STXBP6: variants seen among roughly 807,000 people sequenced by gnomAD.
STXBP6 encodes syntaxin binding protein 6.
A neutral mutation model predicts 26.9 loss-of-function variants in STXBP6; 21 were observed. The observed-to-expected ratio is 0.78, with a 90% CI of 0.55 to 1.12. STXBP6 has a LOEUF of 1.12. STXBP6 is among the 50% of genes most tolerant of loss of function. The pLI, the probability that STXBP6 is intolerant of heterozygous loss-of-function variation, is 0.00. For missense variants in STXBP6, 232 were observed against 257.9 expected (o/e 0.90, Z 0.69); for synonymous variants, 97 against 92.6 (o/e 1.05, Z -0.27).
At chr14:24,877,076 G>T (rs1321539919) in intron 2 of STXBP6, among the ~76,000 whole-genome samples, 1 of 152,108 alleles carries the variant, frequency 6.6e-6, no homozygotes, top group Non-Finnish European at 1.5e-5. Flanking sequence ...AAGCTTATAG[G>T]GAATGCTAAG....
At chr14:24,990,607 G>A (rs938336782) in intron 1 of STXBP6, among the ~76,000 whole-genome samples, 2 of 137,786 alleles carry the variant, frequency 1.5e-5, no homozygotes, top group South Asian at 2.3e-4. Context: ...GCAGTGAGTC[G>A]AGATCATGCC....
intron 1 of STXBP6, among the ~76,000 whole-genome samples, chr14:25,047,235 C>A (rs542462589): frequency 1.3e-5 from 2 of 152,236 alleles, no homozygotes; most frequent in Admixed American, 1.3e-4. Flanking sequence ...TCCGGCACTA[C>A]CCAAGGGTGA....
chr14:24,819,010 G>C, intron 5 of STXBP6, 27 bp downstream of exon 5: 1 of 1,546,632 alleles, frequency 6.5e-7, no homozygotes, highest in East Asian at 2.3e-5. Context: ...CCCCAGAGCT[G>C]AGAAGCCTGC....
intron 4 of STXBP6, among the ~76,000 whole-genome samples, chr14:24,837,721 T>C (rs1035722426): frequency 6.6e-6 from 1 of 152,174 alleles, no homozygotes; most frequent in East Asian, 1.9e-4. Context: ...AGTCAATCAA[T>C]AAATAGGGCA....
intron 1 of STXBP6, among the ~76,000 whole-genome samples, chr14:24,977,095 C>T (rs2074068276): frequency 6.6e-6 from 1 of 151,584 alleles, no homozygotes. Context: ...AACTCCTGAT[C>T]TCAAGTGATG....
chr14:24,961,453 A>AAC (rs2073534779), intron 2 of STXBP6, among the ~76,000 whole-genome samples: 1 of 71,986 alleles, frequency 1.4e-5, no homozygotes, highest in East Asian at 3.3e-4. Context: ...ACTAAAAACA[A>AAC]AAAAAAAAAA....
intron 2 of STXBP6, among the ~76,000 whole-genome samples, chr14:24,955,140 C>T (rs1402023376): frequency 6.6e-6 from 1 of 152,108 alleles, no homozygotes; most frequent in Non-Finnish European, 1.5e-5. Flanking sequence ...CTTTGTTGCT[C>T]AGGTATTGGT....
chr14:25,031,384 C>T (rs1566574785), intron 1 of STXBP6, among the ~76,000 whole-genome samples: 1 of 152,158 alleles, frequency 6.6e-6, no homozygotes. Flanking sequence ...TCAGTTTTCT[C>T]ACCTGTAAAA....
At chr14:25,022,532 G>A (rs552894709) in intron 1 of STXBP6, among the ~76,000 whole-genome samples, 4 of 152,272 alleles carry the variant, frequency 2.6e-5, no homozygotes, top group Non-Finnish European at 5.9e-5. Context: ...TCTGAGATTG[G>A]AGGACAGAGA....
intron 2 of STXBP6, among the ~76,000 whole-genome samples, chr14:24,899,802 A>AAAAAAAAAAAAAAAAAAG (rs2071142896): frequency 2.4e-5 from 2 of 83,466 alleles, no homozygotes; most frequent in Non-Finnish European, 4.2e-5. Context: ...AAAAAAAAGC[A>AAAAAAAAAAAAAAAAAAG]AAAAAAAAAA....
At chr14:25,007,552 A>G (rs1434281634) in intron 1 of STXBP6, among the ~76,000 whole-genome samples, 1 of 152,114 alleles carries the variant, frequency 6.6e-6, no homozygotes, top group African/African-American at 2.4e-5. Context: ...CGTAGCTCAT[A>G]TCACTGTCTG....
At chr14:24,909,166 A>C (rs1224680637) in intron 2 of STXBP6, among the ~76,000 whole-genome samples, 3 of 152,254 alleles carry the variant, frequency 2.0e-5, no homozygotes, top group Admixed American at 2.0e-4. Context: ...CAGAATATGA[A>C]CATCTATAGA....
At chr14:24,824,375 T>C (rs1376273731) in intron 4 of STXBP6, among the ~76,000 whole-genome samples, 1 of 152,172 alleles carries the variant, frequency 6.6e-6, no homozygotes, top group East Asian at 1.9e-4. Flanking sequence ...TTTAGTACTG[T>C]GACTGTCACT....
intron 2 of STXBP6, among the ~76,000 whole-genome samples, chr14:24,902,725 G>A (rs954611442): frequency 2.0e-5 from 3 of 152,194 alleles, no homozygotes; most frequent in Non-Finnish European, 4.4e-5. Context: ...ACAGAAAAAT[G>A]TAAGAAAGTT....
chr14:24,883,682 A>AG (rs397696469), intron 2 of STXBP6, among the ~76,000 whole-genome samples: 2 of 151,710 alleles, frequency 1.3e-5, no homozygotes, highest in African/African-American at 4.8e-5. Context: ...TACAAAAAAA[A>AG]TGACCCACTG....
Position 24,812,519 on chromosome 14 carries a change from GATC to G in STXBP6, c.*187_*189del. On this transcript the variant is annotated 3_prime_UTR_variant, in exon 6 of 6. Coordinates refer to ENST00000323944, the MANE Select transcript of STXBP6 (RefSeq NM_001394410.1). ...ATGCTATTGTAGCATTTATTAGCAA[GATC>G]ATTAGGGAAATGTAAAAATGCAACA... is the stretch of plus-strand genomic sequence containing the variant. The G allele has an allele frequency of 1.7e-6, 1 of 606,040 alleles. No homozygotes were observed. The allele number at this position is 606,040 out of a possible 1,614,324, so 37.5% of individuals were successfully genotyped here. A position where few individuals can be genotyped will look rare whatever the true frequency, so the allele number is the denominator to read the frequency against.
intron 2 of STXBP6, among the ~76,000 whole-genome samples, chr14:24,949,142 A>T (rs1187274543): frequency 2.0e-5 from 3 of 152,180 alleles, no homozygotes; most frequent in African/African-American, 7.2e-5. Flanking sequence ...ATTAGAGCAA[A>T]CATTTTATTT....
chr14:24,976,852 CTTTTTTT>C (rs71121808), intron 1 of STXBP6, among the ~76,000 whole-genome samples: 90 of 45,274 alleles, frequency 2.0e-3, no homozygotes, highest in African/African-American at 7.8e-3. Flanking sequence ...ACTGGGCGCT[CTTTTTTT>C]TTTTTTTTTT....
chr14:25,024,635 C>A (rs1314859121), intron 1 of STXBP6, among the ~76,000 whole-genome samples: 1 of 152,086 alleles, frequency 6.6e-6, no homozygotes, highest in Non-Finnish European at 1.5e-5. Flanking sequence ...GACATGGATT[C>A]TAATACTGAG....
Sources: gnomAD v4.1 joint callset for allele counts (sites outside exome capture counted in the v4.1 genomes callset) on GRCh38, gnomAD v4.1.1 for gene constraint, MANE v1.5 for transcripts, NCBI Gene and HGNC (gene_info 2026-07-23, HGNC 2026-07-21) for gene names.